Variants in CEP85 observed in about 807,000 individuals in gnomAD.
CEP85 encodes the protein centrosomal protein of 85 kDa.
CEP85 carries 58 observed loss-of-function variants against 93.7 expected under a neutral mutation model. The observed-to-expected ratio is 0.62, with a 90% CI of 0.50 to 0.77. The LOEUF is 0.77. Among genes scored for constraint, CEP85 ranks in the 30% least tolerant of loss-of-function variants. The pLI, the probability that CEP85 is intolerant of heterozygous loss-of-function variation, is 0.00. For synonymous variants in CEP85, 314 were observed against 338.6 expected (o/e 0.93, Z 0.80); for missense variants, 868 against 922.0 (o/e 0.94, Z 0.76).
intron 2 of CEP85, 114 bp from the exon 3 acceptor site, chr1:26,244,052 A>T: frequency 1.2e-6 from 1 of 805,802 alleles, no homozygotes; most frequent in Non-Finnish European, 1.9e-6. Context: ...CACAGGAGAG[A>T]GAAAGGGGTG....
intron 2 of CEP85, among the ~76,000 whole-genome samples, chr1:26,243,128 C>CTTTTTT (rs35251831): frequency 8.2e-6 from 1 of 121,884 alleles, no homozygotes. Context: ...CAGTGATTTT[C>CTTTTTT]TTTTTTTTTT....
chr1:26,239,772 T>A lies in CEP85; in HGVS notation c.-12T>A. 1 of 1,607,234 alleles carries A rather than the reference T, an allele frequency of 6.2e-7. No individual in the cohort carries two copies. Among genetic ancestry groups the A allele is most frequent in the Non-Finnish European group, 8.5e-7 (1 of 1,173,716 alleles). On this transcript the variant is annotated 5_prime_UTR_variant, in exon 2 of 14. Coordinates refer to ENST00000451429, the MANE Select transcript of CEP85 (RefSeq NM_001319944.2). Reference sequence around the variant, plus strand: ...TCCTTCATTCTACAGTTGGCTTAAATAACTGTGATTGATGGCCATGCAGGA... The same window carrying A: ...TCCTTCATTCTACAGTTGGCTTAAAAAACTGTGATTGATGGCCATGCAGGA...
chr1:26,271,873 T>A, intron 10 of CEP85, 148 bp from the exon 11 acceptor site: 1 of 668,488 alleles, frequency 1.5e-6, no homozygotes. Flanking sequence ...TGGTTTATAT[T>A]CCTATAGGTA....
At chr1:26,250,209 G>T (rs2089584266) in intron 3 of CEP85, among the ~76,000 whole-genome samples, 1 of 152,194 alleles carries the variant, frequency 6.6e-6, no homozygotes, top group South Asian at 2.1e-4. Flanking sequence ...CCAGTCCATG[G>T]CATATTAGGA....
intron 12 of CEP85, 57 bp from the exon 13 acceptor site, chr1:26,276,478 A>AGAT (rs2090053716): frequency 1.5e-5 from 21 of 1,390,598 alleles, no homozygotes; most frequent in Non-Finnish European, 2.1e-5. Context: ...ACTCATGCAC[A>AGAT]GATACTCTTC....
rs2090076159 is a variant in CEP85, at chr1:26,277,849, A to G, written c.*556A>G. On this transcript the variant is annotated 3_prime_UTR_variant, in exon 14 of 14. Transcript: ENST00000451429. Reference sequence around the variant, plus strand: ...TTGTTCTCCCAGAAGCCTCAGGGTAATGTGTTGGTTAGCACGTAACTACTA... The same window carrying G: ...TTGTTCTCCCAGAAGCCTCAGGGTAGTGTGTTGGTTAGCACGTAACTACTA... 6.5e-6 allele frequency: 1 copy of G among 153,958 alleles called. No individual in the cohort carries two copies. Among genetic ancestry groups the G allele is most frequent in the Non-Finnish European group, 1.4e-5 (1 of 69,000 alleles). The allele number at this position is 153,958 out of a possible 1,614,324, so 9.5% of individuals were successfully genotyped here.
At chr1:26,268,899 C>T (rs769237206) in intron 8 of CEP85, among the ~76,000 whole-genome samples, 1 of 152,168 alleles carries the variant, frequency 6.6e-6, no homozygotes, top group Non-Finnish European at 1.5e-5. Flanking sequence ...CTTTGATTCA[C>T]TATTTTAAAG....
intron 13 of CEP85, 118 bp downstream of exon 13, chr1:26,276,878 A>C: frequency 1.2e-6 from 1 of 860,982 alleles, no homozygotes. Context: ...AGTCCTGGCC[A>C]CTGCCCTCTG....
chr1:26,276,556 T>C lies in CEP85; in HGVS notation c.1924T>C (p.Leu642=). The change falls in exon 13 of 14, where the codon TTG becomes CTG. Residue 642 remains leucine, a synonymous_variant. Transcript: ENST00000451429. The stretch of plus-strand genomic sequence containing the variant: ...TCAGCTTTCAGTGCAAAACCAGGAC[T>C]TGATTGAGAAGAATCTGACACTCCA... The part of the protein sequence containing the change: ...VKELSVQNQD[L]IEKNLTLQEH... The C allele has an allele frequency of 6.2e-7, 1 of 1,614,216 alleles. No homozygotes were observed. The highest frequency in any genetic ancestry group is 8.5e-7 in the Non-Finnish European group (1 of 1,180,026).
chr1:26,273,901 A>AAAATAAATAAATAAAT (rs1553161625), intron 11 of CEP85, among the ~76,000 whole-genome samples: 40 of 141,488 alleles, frequency 2.8e-4, no homozygotes, highest in East Asian at 1.6e-3. Context: ...ACCCCATCTC[A>AAAATAAATAAATAAAT]AAATAAATAA....
Position 26,255,572 on chromosome 1 carries a change from C to G in CEP85, c.610C>G (p.Arg204Gly). 6.2e-7 allele frequency: 1 copy of G among 1,614,124 alleles called. No individual in the cohort carries two copies. The highest frequency in any genetic ancestry group is 8.5e-7 in the Non-Finnish European group (1 of 1,180,016). ...METLYSDPHH[R>G]VRFHNPRTST... ...GACACTTTATTCAGATCCTCACCAC[C>G]GAGTCCGCTTCCACAACCCAAGAAC... The change falls in exon 4 of 14, where the codon CGA (arginine) becomes GGA (glycine). Residue 204 changes from arginine (R) to glycine (G), a missense_variant. Arg to Gly is a moderately radical substitution (Grantham distance 125, BLOSUM62 -2). Coordinates refer to ENST00000451429, the MANE Select transcript of CEP85 (RefSeq NM_001319944.2).
At chr1:26,261,971 G>A (rs979061058) in intron 7 of CEP85, among the ~76,000 whole-genome samples, 1 of 151,914 alleles carries the variant, frequency 6.6e-6, no homozygotes, top group African/African-American at 2.4e-5. Flanking sequence ...AGGAGTTCGA[G>A]ACCAGTCTGG....
rs1177434140 is a variant in CEP85, at chr1:26,257,455, G to C, written c.904-142G>C. 6 of 944,092 alleles carry C rather than the reference G, an allele frequency of 6.4e-6. No individual in the cohort carries two copies. The African/African-American group carries it at 9.9e-5, about 16-fold the overall frequency. The allele number at this position is 944,092 out of a possible 1,614,324, so 58.5% of individuals were successfully genotyped here. A position where few individuals can be genotyped will look rare whatever the true frequency, so the allele number is the denominator to read the frequency against. The stretch of plus-strand genomic sequence containing the variant: ...AGGTTCTTTCCAGTCATGCCTCAGA[G>C]CTAAAATTATTTCATAAACATTGGG... On this transcript the variant is annotated intron_variant, in intron 4 of 13. Coordinates refer to ENST00000451429, the MANE Select transcript of CEP85 (RefSeq NM_001319944.2).
chr1:26,269,341 C>T, intron 8 of CEP85, 119 bp from the exon 9 acceptor site: 1 of 981,152 alleles, frequency 1.0e-6, no homozygotes, highest in Non-Finnish European at 1.5e-6. Flanking sequence ...GTAAAAATTG[C>T]CTTGCTGAGG....
intron 1 of CEP85, among the ~76,000 whole-genome samples, chr1:26,236,408 C>T (rs6666245): frequency 0.87 from 128,280 of 148,256 alleles, 56,241 homozygotes; most frequent in Non-Finnish European, 0.93. Flanking sequence ...TTTTTTTTTT[C>T]CCCTCTGTCT....
At chr1:26,242,889 A>G (rs2089449921) in intron 2 of CEP85, among the ~76,000 whole-genome samples, 1 of 152,220 alleles carries the variant, frequency 6.6e-6, no homozygotes, top group Non-Finnish European at 1.5e-5. Flanking sequence ...CTTTGCTAGA[A>G]TGTTAGTGAA....
chr1:26,262,037 A>G (rs757989568), intron 7 of CEP85, among the ~76,000 whole-genome samples: 1 of 152,022 alleles, frequency 6.6e-6, no homozygotes, highest in Non-Finnish European at 1.5e-5. Flanking sequence ...GCCAGGCACG[A>G]TGGCTTACAC....
At chr1:26,247,702 G>A (rs140241524) in intron 3 of CEP85, among the ~76,000 whole-genome samples, 69 of 152,240 alleles carry the variant, frequency 4.5e-4, no homozygotes, top group African/African-American at 1.6e-3. Flanking sequence ...GTGCAATGGC[G>A]TGATCACAAG....
At chr1:26,244,088 T>C (rs976046767) in intron 2 of CEP85, 78 bp from the exon 3 acceptor site, 3 of 1,359,148 alleles carry the variant, frequency 2.2e-6, no homozygotes, top group Admixed American at 2.1e-5. Flanking sequence ...CTTAGGTTTA[T>C]GTGATTTTTT....
Sources: allele counts gnomAD v4.1 joint callset (sites outside exome capture counted in the v4.1 genomes callset), GRCh38; gene constraint gnomAD v4.1.1; transcripts MANE v1.5; gene names NCBI Gene and HGNC (gene_info 2026-07-23, HGNC 2026-07-21).